Variants in TACR1 observed in about 807,000 individuals in gnomAD.
TACR1 encodes the protein tachykinin receptor 1.
TACR1 carries 25 observed loss-of-function variants against 35.8 expected under a neutral mutation model. The ratio of observed to expected loss-of-function variants is 0.70; its 90% CI spans 0.51 to 0.98. The LOEUF (loss-of-function observed/expected upper bound fraction) is 0.98, where lower values mean the gene tolerates loss of function less well. Ranked by LOEUF, TACR1 falls within the 50% of genes least tolerant of loss-of-function variation. TACR1 has a pLI of 0.00. For missense variants in TACR1, 478 were observed against 522.9 expected, an observed-to-expected ratio of 0.91 and a Z score of 0.84; for synonymous variants, 195 against 206.7, an observed-to-expected ratio of 0.94 and a Z score of 0.48.
At chr2:75,065,742 A>G (rs927884458) in intron 2 of TACR1, among the ~76,000 whole-genome samples, 1 of 152,200 alleles carries the variant, frequency 6.6e-6, no homozygotes, top group South Asian at 2.1e-4. Context: ...AACTGCTTCA[A>G]TTGGTGCCAA....
intron 1 of TACR1, among the ~76,000 whole-genome samples, chr2:75,153,869 C>CG (rs1279362107): frequency 6.6e-6 from 1 of 151,962 alleles, no homozygotes; most frequent in African/African-American, 2.4e-5. Flanking sequence ...TCAGTGTACT[C>CG]TAAGTATTCT....
At chr2:75,135,415 C>A (rs1174211436) in intron 1 of TACR1, among the ~76,000 whole-genome samples, 2 of 152,194 alleles carry the variant, frequency 1.3e-5, no homozygotes, top group Non-Finnish European at 2.9e-5. Flanking sequence ...TTTGTAACTT[C>A]CAGAGGCCAT....
At chr2:75,137,689 G>A (rs1439860074) in intron 1 of TACR1, among the ~76,000 whole-genome samples, 1 of 120,812 alleles carries the variant, frequency 8.3e-6, no homozygotes, top group Non-Finnish European at 1.6e-5. Flanking sequence ...GGATCACACC[G>A]CTGCCCTCCA....
intron 2 of TACR1, among the ~76,000 whole-genome samples, chr2:75,094,542 G>C (rs1306615371): frequency 6.6e-6 from 1 of 152,058 alleles, no homozygotes; most frequent in Non-Finnish European, 1.5e-5. Context: ...CTGTAGTGAG[G>C]GTTCTCCAAG....
chr2:75,116,761 T>A (rs533852916), intron 2 of TACR1, among the ~76,000 whole-genome samples: 1 of 152,080 alleles, frequency 6.6e-6, no homozygotes, highest in South Asian at 2.1e-4. Context: ...ATACAAAAAA[T>A]TAGCTGGGCG....
chr2:75,140,719 G>T (rs959010866), intron 1 of TACR1, among the ~76,000 whole-genome samples: 1 of 152,320 alleles, frequency 6.6e-6, no homozygotes, highest in East Asian at 1.9e-4. Context: ...TGCACAATGA[G>T]ATTGTAAGCT....
chr2:75,115,084 C>CGTGTGTGTGTGT (rs3079164), intron 2 of TACR1, among the ~76,000 whole-genome samples: 47 of 148,774 alleles, frequency 3.2e-4, no homozygotes, highest in East Asian at 2.6e-3. Context: ...TGTTAACATA[C>CGTGTGTGTGTGT]GTGTGTGTGT....
chr2:75,083,512 T>C (rs890714915), intron 2 of TACR1, among the ~76,000 whole-genome samples: 12 of 152,210 alleles, frequency 7.9e-5, no homozygotes, highest in African/African-American at 2.7e-4. Flanking sequence ...TAAATTACCT[T>C]GGGCAGTATG....
intron 2 of TACR1, among the ~76,000 whole-genome samples, chr2:75,074,701 G>T (rs2103821776): frequency 6.6e-6 from 1 of 152,036 alleles, no homozygotes; most frequent in East Asian, 1.9e-4. Context: ...TTTCTTCCAG[G>T]CAAGAAGGTG....
chr2:75,107,072 G>A (rs1323300308), intron 2 of TACR1, among the ~76,000 whole-genome samples: 1 of 151,774 alleles, frequency 6.6e-6, no homozygotes, highest in African/African-American at 2.4e-5. Flanking sequence ...ATAAAATGAT[G>A]AAAAAGTATA....
At chr2:75,107,769 A>G (rs918898802) in intron 2 of TACR1, among the ~76,000 whole-genome samples, 1 of 152,060 alleles carries the variant, frequency 6.6e-6, no homozygotes, top group Non-Finnish European at 1.5e-5. Context: ...TTGAAAATAA[A>G]TGAACTGAGT....
At chr2:75,181,914 A>AGCGCTGT (rs1428942820) in intron 1 of TACR1, among the ~76,000 whole-genome samples, 6 of 152,230 alleles carry the variant, frequency 3.9e-5, no homozygotes, top group Admixed American at 3.9e-4. Context: ...TTGGTTACAA[A>AGCGCTGT]TAACAGAACG....
At chr2:75,106,846 A>G (rs1441880948) in intron 2 of TACR1, among the ~76,000 whole-genome samples, 1 of 151,906 alleles carries the variant, frequency 6.6e-6, no homozygotes, top group Non-Finnish European at 1.5e-5. Context: ...TAGAAAAAAG[A>G]GGAAACAAAA....
intron 1 of TACR1, among the ~76,000 whole-genome samples, chr2:75,151,151 G>T (rs182363186): frequency 2.6e-5 from 4 of 152,312 alleles, no homozygotes; most frequent in African/African-American, 9.6e-5. Context: ...CTGACTATGC[G>T]ATAGAAAAGA....
In TACR1 at chr2:75,051,310, C is replaced by T. The variant is rs752408117; in HGVS notation, c.873G>A (p.Met291Ile). 1 of 1,614,070 alleles carries T rather than the reference C, an allele frequency of 6.2e-7. No individual in the cohort carries two copies. Among genetic ancestry groups the T allele is most frequent in the Non-Finnish European group, 8.5e-7 (1 of 1,180,034 alleles). The change falls in exon 4 of 5, where the codon ATG (methionine) becomes ATA (isoleucine). Residue 291 changes from methionine (M) to isoleucine (I), a missense_variant. Physicochemically the swap from Met to Ile is conservative, Grantham distance 10. Transcript: ENST00000305249. ...KFIQQVYLAI[M>I]WLAMSSTMYN... ...ACATGGTGGAGCTCATGGCCAGCCA[C>T]ATGATGGCCAGGTAGACCTGCTGGA... is the stretch of plus-strand genomic sequence containing the variant.
At chr2:75,132,025 C>T (rs557566089) in intron 1 of TACR1, among the ~76,000 whole-genome samples, 1 of 152,216 alleles carries the variant, frequency 6.6e-6, no homozygotes, top group South Asian at 2.1e-4. Context: ...CAGAGACAAA[C>T]TGCATGAAAT....
At chr2:75,143,920 A>G (rs969411092) in intron 1 of TACR1, among the ~76,000 whole-genome samples, 1 of 152,204 alleles carries the variant, frequency 6.6e-6, no homozygotes. Context: ...TGAACGGGGT[A>G]CATAGTGTAA....
chr2:75,122,529 A>C (rs1489657151), intron 1 of TACR1, among the ~76,000 whole-genome samples: 1 of 152,176 alleles, frequency 6.6e-6, no homozygotes, highest in Non-Finnish European at 1.5e-5. Context: ...ATCAGAAGTC[A>C]TGACAACTCC....
At chr2:75,137,625 A>C (rs1196216837) in intron 1 of TACR1, among the ~76,000 whole-genome samples, 2 of 147,532 alleles carry the variant, frequency 1.4e-5, no homozygotes, top group Non-Finnish European at 3.0e-5. Context: ...GCTACTTGGA[A>C]GGCTGAGGCA....
Sources: allele counts gnomAD v4.1 joint callset (sites outside exome capture counted in the v4.1 genomes callset), GRCh38; gene constraint gnomAD v4.1.1; transcripts MANE v1.5; gene names NCBI Gene and HGNC (gene_info 2026-07-23, HGNC 2026-07-21).